DZANK1: variants seen among roughly 807,000 people sequenced by gnomAD.
DZANK1 encodes the protein double zinc ribbon and ankyrin repeat-containing protein 1.
A neutral mutation model predicts 94.5 loss-of-function variants in DZANK1; 91 were observed. The observed-to-expected ratio is 0.96, with a 90% CI of 0.81 to 1.15. The LOEUF (loss-of-function observed/expected upper bound fraction) is 1.15. Among genes scored for constraint, DZANK1 ranks in the 50% most tolerant of loss-of-function variants. The pLI, the probability that DZANK1 is intolerant of heterozygous loss-of-function variation, is 0.00. For synonymous variants in DZANK1, 312 were observed against 325.3 expected (o/e 0.96, Z 0.44); for missense variants, 903 against 916.4 (o/e 0.99, Z 0.19).
intron 9 of DZANK1, among the ~76,000 whole-genome samples, chr20:18,431,050 GTAGAGTGAAGAAATTA>G (rs1411852718): frequency 9.2e-5 from 14 of 152,136 alleles, no homozygotes; most frequent in African/African-American, 3.4e-4. Flanking sequence ...AGAAATGGAG[GTAGAGTGAAGAAATTA>G]TACACTTTTT....
At chr20:18,393,713 T>C (rs532240385) in exon 17 of DZANK1, 1 of 1,598,768 alleles carries the variant, frequency 6.3e-7, no homozygotes, top group Admixed American at 1.7e-5. Context: ...ACACTTACTA[T>C]AAGCTGCTCC....
intron 4 of DZANK1, chr20:18,454,275 G>T: frequency 3.0e-6 from 1 of 336,366 alleles, no homozygotes; most frequent in South Asian, 2.4e-5. Context: ...TCAAGCCTAA[G>T]CACTTGCTGA....
chr20:18,453,684 G>T, intron 5 of DZANK1, 47 bp downstream of exon 5: 2 of 1,350,676 alleles, frequency 1.5e-6, no homozygotes, highest in South Asian at 1.2e-5. Context: ...GAACCTCTTC[G>T]GTGGGTTCAG....
At chr20:18,389,982 C>T (rs2055868109) in intron 18 of DZANK1, among the ~76,000 whole-genome samples, 154 bp from the exon 19 acceptor site, 2 of 152,158 alleles carry the variant, frequency 1.3e-5, no homozygotes, top group African/African-American at 4.8e-5. Flanking sequence ...AACCTCAAGA[C>T]CTGATCTACG....
chr20:18,434,797 A>G (rs1248665862), intron 8 of DZANK1, among the ~76,000 whole-genome samples: 2 of 152,216 alleles, frequency 1.3e-5, no homozygotes, highest in East Asian at 3.9e-4. Flanking sequence ...GTGGCTGCTG[A>G]TGGGCAAGGA....
intron 8 of DZANK1, among the ~76,000 whole-genome samples, chr20:18,439,908 T>C (rs920196130): frequency 6.6e-6 from 1 of 152,152 alleles, no homozygotes; most frequent in African/African-American, 2.4e-5. Context: ...GAATTCATTA[T>C]ATTGAAGCCC....
intron 8 of DZANK1, among the ~76,000 whole-genome samples, chr20:18,439,128 G>A (rs1025471048): frequency 2.0e-5 from 3 of 152,166 alleles, no homozygotes; most frequent in African/African-American, 7.2e-5. Flanking sequence ...TTTACTGGGG[G>A]ACCACAGTGG....
intron 6 of DZANK1, among the ~76,000 whole-genome samples, chr20:18,450,077 C>CAAATAAAT (rs146221883): frequency 0.019 from 2,805 of 149,146 alleles, 39 homozygotes; most frequent in East Asian, 0.048. Flanking sequence ...AACTCCGTCT[C>CAAATAAAT]AAATAAATAA....
chr20:18,385,601 A>T (rs1048892058), intron 19 of DZANK1, among the ~76,000 whole-genome samples: 4 of 152,066 alleles, frequency 2.6e-5, no homozygotes, highest in Non-Finnish European at 2.9e-5. Flanking sequence ...TATTTTTAAT[A>T]GAGACGGGGT....
At chr20:18,384,281 A>T in exon 21 of DZANK1, 1 of 1,094,276 alleles carries the variant, frequency 9.1e-7, no homozygotes. Context: ...CTGGTCTTGA[A>T]CTCCCAACCT....
chr20:18,413,727 C>A (rs1449759878), intron 12 of DZANK1, among the ~76,000 whole-genome samples: 2 of 151,992 alleles, frequency 1.3e-5, no homozygotes, highest in Non-Finnish European at 1.5e-5. Context: ...TTGCAGTGAG[C>A]CAAAATTGCA....
intron 13 of DZANK1, among the ~76,000 whole-genome samples, chr20:18,408,702 A>T (rs934606154): frequency 2.9e-4 from 44 of 152,238 alleles, no homozygotes; most frequent in African/African-American, 1.0e-3. Context: ...AGAAACAAAG[A>T]TCTTCCCAAA....
At chr20:18,437,967 C>T (rs1263885993) in intron 8 of DZANK1, among the ~76,000 whole-genome samples, 1 of 151,764 alleles carries the variant, frequency 6.6e-6, no homozygotes, top group Admixed American at 6.6e-5. Context: ...GCCTGTAATC[C>T]CAGCACTTTG....
chr20:18,384,231 G>A, exon 21 of DZANK1: 2 of 605,290 alleles, frequency 3.3e-6, no homozygotes, highest in South Asian at 2.5e-5. Context: ...GACTAATTTT[G>A]TATTTTTAGT....
At chr20:18,435,320 C>T (rs908880706) in intron 8 of DZANK1, among the ~76,000 whole-genome samples, 4 of 152,100 alleles carry the variant, frequency 2.6e-5, no homozygotes, top group African/African-American at 4.8e-5. Context: ...CTACTATTTA[C>T]GACAGCAAAG....
At chr20:18,415,285 TGA>T in intron 11 of DZANK1, 40 bp downstream of exon 11, 1 of 1,423,254 alleles carries the variant, frequency 7.0e-7, no homozygotes, top group Non-Finnish European at 9.3e-7. Context: ...AGGCCAGTGG[TGA>T]GGTGCTCAGT....
chr20:18,465,821 A>G (rs1376207068), intron 1 of DZANK1, among the ~76,000 whole-genome samples: 1 of 152,224 alleles, frequency 6.6e-6, no homozygotes, highest in East Asian at 1.9e-4. Context: ...AATGTTAGTT[A>G]GAGCTAACTT....
At chr20:18,449,068 G>A (rs753828463) in exon 7 of DZANK1, 19 of 1,613,052 alleles carry the variant, frequency 1.2e-5, no homozygotes, top group South Asian at 2.2e-5. Context: ...AAAACCGGGG[G>A]ACTAAAATTA....
chr20:18,411,501 C>G lies in DZANK1; in HGVS notation c.1432+1145G>C, dbSNP rs139488952. Among the ~76,000 whole-genome samples, 12 of 152,188 alleles carry G rather than the reference C, an allele frequency of 7.9e-5. No homozygotes were observed. In the East Asian group the frequency reaches 2.3e-3, roughly 29 times the overall value. ...AGAGTAATCAGAATTGCCCACTAGA[C>G]AAACATCAGATCCAGATAGCTTCAC... On this transcript the variant is annotated intron_variant, in intron 13 of 20. Coordinates refer to ENST00000262547, the Ensembl canonical transcript of DZANK1.
Sources: gnomAD v4.1 joint callset for allele counts (sites outside exome capture counted in the v4.1 genomes callset) on GRCh38, gnomAD v4.1.1 for gene constraint, MANE v1.5 for transcripts, NCBI Gene and HGNC (gene_info 2026-07-23, HGNC 2026-07-21) for gene names.